The following CNKSR2 variants were observed in gnomAD, a reference collection of about 807,000 sequenced individuals.
CNKSR2 encodes CNK homolog protein 2.
A neutral mutation model predicts 84.4 loss-of-function variants in CNKSR2; 14 were observed. The observed-to-expected ratio is 0.17, with a 90% confidence interval of 0.11 to 0.26. The LOEUF is 0.26. CNKSR2 is among the 10% of genes least tolerant of loss of function. The pLI is 1.00. For missense variants in CNKSR2, 485 were observed against 771.2 expected, an observed-to-expected ratio of 0.63 and a Z score of 4.40; for synonymous variants, 275 against 277.9, an observed-to-expected ratio of 0.99 and a Z score of 0.10.
intron 20 of CNKSR2, among the ~76,000 whole-genome samples, chrX:21,619,305 CT>C (rs2092591640): frequency 2.7e-5 from 3 of 111,932 alleles, no homozygotes; most frequent in Non-Finnish European, 3.8e-5. Context: ...TAATGTTACA[CT>C]ATAATCATTG....
At position 21,609,274 on chromosome X, in the gene CNKSR2, T is replaced by C. The variant is rs2147283407; in HGVS notation, c.2349T>C (p.Tyr783=). The change falls in exon 20 of 22, where the codon TAT becomes TAC. Residue 783 remains tyrosine (Y), a synonymous_variant. Coordinates refer to ENST00000379510, the MANE Select transcript of CNKSR2 (RefSeq NM_014927.5). ...CACTGACAAGTTCAGGCTTACACTA[T>C]CTTCAGACTCTGCCCCTGGAGGATT... is the stretch of plus-strand genomic sequence containing the variant. The part of the protein sequence containing the change: ...ETPLTSSGLH[Y]LQTLPLEDSV... The C allele has an allele frequency of 2.5e-6, 3 of 1,211,369 alleles. No individual in the cohort carries two copies. The highest frequency in any genetic ancestry group is 2.2e-6 in the Non-Finnish European group (2 of 895,410).
At chrX:21,544,226 C>A (rs1053795504) in intron 11 of CNKSR2, among the ~76,000 whole-genome samples, 1 of 111,412 alleles carries the variant, frequency 9.0e-6, no homozygotes, top group African/African-American at 3.3e-5. Flanking sequence ...TTTTTGGTTT[C>A]TTTTGGTTTG....
At chrX:21,605,982 T>C (rs16981610) in intron 18 of CNKSR2, among the ~76,000 whole-genome samples, 1,992 of 112,110 alleles carry the variant, frequency 0.018, 46 homozygotes, top group African/African-American at 0.059. Flanking sequence ...GGTTGGAATA[T>C]TACTGGAACA....
chrX:21,426,757 A>G, intron 2 of CNKSR2, 97 bp downstream of exon 2: 1 of 964,517 alleles, frequency 1.0e-6, no homozygotes, highest in Non-Finnish European at 1.4e-6. Flanking sequence ...CGAAATGCAA[A>G]TAGAAGAAAA....
intron 11 of CNKSR2, among the ~76,000 whole-genome samples, chrX:21,537,169 G>T (rs1233222840): frequency 2.6e-4 from 29 of 110,504 alleles, no homozygotes; most frequent in African/African-American, 9.5e-4. Flanking sequence ...CCATATAATC[G>T]TACAGTTTTT....
intron 11 of CNKSR2, among the ~76,000 whole-genome samples, chrX:21,534,135 T>C: frequency 9.1e-6 from 1 of 110,172 alleles, no homozygotes; most frequent in East Asian, 2.8e-4. Context: ...AGTTCTACTC[T>C]CTATGAGCTC....
At chrX:21,392,686 A>C (rs2090067586) in intron 1 of CNKSR2, among the ~76,000 whole-genome samples, 1 of 111,194 alleles carries the variant, frequency 9.0e-6, no homozygotes, top group Non-Finnish European at 1.9e-5. Flanking sequence ...AAACCATACC[A>C]AGCAGTTTTG....
intron 11 of CNKSR2, among the ~76,000 whole-genome samples, chrX:21,550,215 C>G (rs768195810): frequency 9.0e-6 from 1 of 111,610 alleles, no homozygotes; most frequent in Non-Finnish European, 1.9e-5. Context: ...CTTAATTAAA[C>G]AAATGTACAA....
chrX:21,527,319 A>G (rs1365620477), intron 10 of CNKSR2, among the ~76,000 whole-genome samples: 4 of 110,466 alleles, frequency 3.6e-5, no homozygotes, highest in Non-Finnish European at 7.6e-5. Context: ...TTGGCTAAAA[A>G]GCCCCAGAAA....
intron 11 of CNKSR2, among the ~76,000 whole-genome samples, chrX:21,546,278 A>G (rs991754369): frequency 9.2e-6 from 1 of 108,997 alleles, no homozygotes; most frequent in African/African-American, 3.3e-5. Context: ...TGAAGCATAC[A>G]CAAGTATCAG....
At chrX:21,613,798 G>A (rs1423412140) in intron 20 of CNKSR2, among the ~76,000 whole-genome samples, 1 of 110,625 alleles carries the variant, frequency 9.0e-6, no homozygotes, top group African/African-American at 3.3e-5. Context: ...AAATTAGCCA[G>A]GCGTGGTGGC....
intron 1 of CNKSR2, among the ~76,000 whole-genome samples, chrX:21,389,374 T>C: frequency 9.1e-6 from 1 of 110,071 alleles, no homozygotes; most frequent in South Asian, 3.9e-4. Flanking sequence ...ATATTAATAA[T>C]AGGAGAATAT....
chrX:21,493,131 T>A (rs1407008692), intron 6 of CNKSR2: 4 of 112,448 alleles, frequency 3.6e-5, no homozygotes, highest in Non-Finnish European at 7.5e-5. Flanking sequence ...TCCTAGAATT[T>A]CTTAGGTTTA....
chrX:21,549,794 G>A (rs1277688818), intron 11 of CNKSR2, among the ~76,000 whole-genome samples: 2 of 112,011 alleles, frequency 1.8e-5, no homozygotes, highest in Non-Finnish European at 3.8e-5. Flanking sequence ...TCTTTGACAA[G>A]CCTGACAAAA....
chrX:21,389,828 A>G (rs1359788609), intron 1 of CNKSR2, among the ~76,000 whole-genome samples: 2 of 112,753 alleles, frequency 1.8e-5, no homozygotes, highest in African/African-American at 6.4e-5. Context: ...AAATTTTATG[A>G]ATACATATTG....
intron 7 of CNKSR2, among the ~76,000 whole-genome samples, chrX:21,500,312 C>T (rs2091545947): frequency 9.0e-6 from 1 of 110,943 alleles, no homozygotes; most frequent in East Asian, 2.8e-4. Flanking sequence ...TGTTTCAAGA[C>T]TTCTATGTTT....
intron 17 of CNKSR2, among the ~76,000 whole-genome samples, chrX:21,595,644 A>T (rs1602005141): frequency 8.9e-6 from 1 of 111,786 alleles, no homozygotes; most frequent in East Asian, 2.8e-4. Flanking sequence ...CTACCACCAA[A>T]AAAAGGGGAT....
intron 13 of CNKSR2, among the ~76,000 whole-genome samples, chrX:21,584,821 C>T (rs2092375649): frequency 9.0e-6 from 1 of 111,053 alleles, no homozygotes; most frequent in African/African-American, 3.3e-5. Context: ...TCATGTAGGG[C>T]CTTCAAGTCA....
At chrX:21,418,236 ACTGT>A (rs1487015161) in intron 1 of CNKSR2, among the ~76,000 whole-genome samples, 2 of 111,808 alleles carry the variant, frequency 1.8e-5, no homozygotes, top group East Asian at 2.8e-4. Context: ...ATCTTATTGT[ACTGT>A]CTATGTCTTG....
Sources: allele counts gnomAD v4.1 joint callset (sites outside exome capture counted in the v4.1 genomes callset), GRCh38; gene constraint gnomAD v4.1.1; transcripts MANE v1.5; gene names NCBI Gene and HGNC (gene_info 2026-07-23, HGNC 2026-07-21).